MED12L: variants seen among roughly 807,000 people sequenced by gnomAD.
The protein encoded by MED12L is mediator of RNA polymerase II transcription subunit 12-like protein.
Under a neutral mutation model 281.3 loss-of-function variants are expected in MED12L, and 60 were observed. The ratio of observed to expected loss-of-function variants is 0.21; its 90% CI spans 0.17 to 0.26. The LOEUF is 0.26. Ranked by LOEUF, MED12L falls within the 10% of genes least tolerant of loss-of-function variation. The probability of loss-of-function intolerance (pLI) is 1.00; values close to 1 mark genes in which losing one functional copy is unlikely to be tolerated. For missense variants in MED12L, 2,146 were observed against 2,680.9 expected, an observed-to-expected ratio of 0.80 and a Z score of 4.41; for synonymous variants, 974 against 987.2, an observed-to-expected ratio of 0.99 and a Z score of 0.25.
chr3:151,175,808 A>G (rs1275989291), intron 11 of MED12L, among the ~76,000 whole-genome samples: 1 of 152,232 alleles, frequency 6.6e-6, no homozygotes, highest in Non-Finnish European at 1.5e-5. Context: ...CTTTCTTCAC[A>G]TTTGAGATAC....
chr3:151,405,738 T>A (rs1342088489), intron 39 of MED12L, among the ~76,000 whole-genome samples: 2 of 152,186 alleles, frequency 1.3e-5, no homozygotes, highest in Non-Finnish European at 2.9e-5. Flanking sequence ...GTTGTTTTGG[T>A]TGAGCAGAAT....
rs546510057 is a variant in MED12L, at chr3:151,406,390, G to A, written c.5821-2853G>A. On this transcript the variant is annotated intron_variant, in intron 39 of 44. Transcript: ENST00000687756. ...ATTATTCTTGGAAAAACAAAGAAAA[G>A]TAGGAATCCATTTCATTCTGATAGG... is the stretch of plus-strand genomic sequence containing the variant. Among the ~76,000 whole-genome samples, 404 of 152,298 alleles carry A rather than the reference G, an allele frequency of 2.7e-3. 1 individual carries two copies. Among genetic ancestry groups the A allele is most frequent in the African/African-American group, 9.5e-3 (393 of 41,556 alleles).
In MED12L at chr3:151,420,279, C is replaced by T. The variant is rs144711979; in HGVS notation, c.6408+3857C>T. 1.1e-3 allele frequency among the ~76,000 whole-genome samples: 167 copies of T among 152,294 alleles called. 5 individuals carry two copies. In the East Asian group the frequency reaches 0.03, roughly 27 times the overall value. On this transcript the variant is annotated intron_variant, in intron 43 of 44. Transcript: ENST00000687756. ...AGTCCGGGTCAGTCACCCCAGCCAA[C>T]ACTGTAACTCCCTTCTTAGCCTGTT...
At chr3:151,391,389 A>G (rs943973408) in intron 38 of MED12L, among the ~76,000 whole-genome samples, 2 of 152,016 alleles carry the variant, frequency 1.3e-5, no homozygotes, top group East Asian at 1.9e-4. Context: ...GCTTGGTCAC[A>G]TTACTTTCTC....
chr3:151,303,167 G>A (rs1746165407), intron 16 of MED12L, among the ~76,000 whole-genome samples: 2 of 152,206 alleles, frequency 1.3e-5, no homozygotes, highest in Admixed American at 1.3e-4. Flanking sequence ...GCTGAATGAT[G>A]CTGGTGAAAA....
At chr3:151,102,361 T>G (rs930824333) in intron 2 of MED12L, among the ~76,000 whole-genome samples, 5 of 152,168 alleles carry the variant, frequency 3.3e-5, no homozygotes, top group African/African-American at 1.2e-4. Context: ...GTTAACTGTT[T>G]AGACTAGTTT....
chr3:151,192,681 A>T, intron 15 of MED12L, 27 bp downstream of exon 15: 3 of 1,359,566 alleles, frequency 2.2e-6, no homozygotes, highest in African/African-American at 1.4e-5. Flanking sequence ...ATTCTTATTG[A>T]CAATTAAGAA....
intron 16 of MED12L, among the ~76,000 whole-genome samples, chr3:151,233,658 G>A (rs1031152988): frequency 2.6e-5 from 4 of 152,178 alleles, no homozygotes; most frequent in Non-Finnish European, 4.4e-5. Flanking sequence ...ACTTGAACCC[G>A]GGAGGCGGAG....
chr3:151,401,576 C>T (rs1715689303), intron 39 of MED12L, among the ~76,000 whole-genome samples: 1 of 152,032 alleles, frequency 6.6e-6, no homozygotes, highest in Non-Finnish European at 1.5e-5. Flanking sequence ...TATAACTTTG[C>T]TAGCTATTCA....
At chr3:151,399,857 C>T (rs1484878344) in intron 39 of MED12L, among the ~76,000 whole-genome samples, 1 of 151,294 alleles carries the variant, frequency 6.6e-6, no homozygotes, top group African/African-American at 2.4e-5. Context: ...GACAGGGTCT[C>T]CCTCTGTCGC....
chr3:151,132,082 C>T (rs548636369), intron 5 of MED12L, among the ~76,000 whole-genome samples: 1 of 152,160 alleles, frequency 6.6e-6, no homozygotes, highest in East Asian at 1.9e-4. Flanking sequence ...AGATCAAGTG[C>T]CTATAATAAT....
At chr3:151,194,966 C>G (rs1475323656) in intron 16 of MED12L, among the ~76,000 whole-genome samples, 1 of 152,082 alleles carries the variant, frequency 6.6e-6, no homozygotes, top group African/African-American at 2.4e-5. Flanking sequence ...AGATCGAGAC[C>G]ATCCTGGCTA....
intron 16 of MED12L, among the ~76,000 whole-genome samples, chr3:151,318,249 T>C (rs1340667394): frequency 6.6e-6 from 1 of 152,170 alleles, no homozygotes; most frequent in Admixed American, 6.5e-5. Flanking sequence ...GGCCTAATCT[T>C]TTAAGAATTT....
intron 2 of MED12L, among the ~76,000 whole-genome samples, chr3:151,091,745 C>G (rs1312962319): frequency 6.6e-6 from 1 of 152,210 alleles, no homozygotes. Context: ...CCTTGGCCTT[C>G]AAGGCCCTAC....
chr3:151,372,701 A>G lies in MED12L; in HGVS notation c.3799A>G (p.Ile1267Val). The change falls in exon 27 of 45, where the codon ATT becomes GTT. Residue 1267 changes from isoleucine (I) to valine (V), a missense_variant. Ile to Val is a conservative substitution (Grantham distance 29). This residue lies in a region of MED12L where 235 missense variants were observed against 260.3 expected (regional missense o/e 0.90). Transcript: ENST00000687756. ...SQNPKSCGKSISIETANLREY... is the reference protein window; with the variant it reads ...SQNPKSCGKSVSIETANLREY... ...AAATCCAAAATCCTGTGGGAAAAGCATTTCCATAGAAACTGCCAATTTAAG... is the reference window on the plus strand; with the variant it reads ...AAATCCAAAATCCTGTGGGAAAAGCGTTTCCATAGAAACTGCCAATTTAAG... The G allele has an allele frequency of 6.2e-7, 1 of 1,613,950 alleles. No homozygotes were observed. Among genetic ancestry groups the G allele is most frequent in the South Asian group, 1.1e-5 (1 of 91,084 alleles).
chr3:151,171,177 C>T (rs1356876741), intron 11 of MED12L, among the ~76,000 whole-genome samples: 2 of 152,122 alleles, frequency 1.3e-5, no homozygotes, highest in Non-Finnish European at 2.9e-5. Context: ...GGTGGCAAAT[C>T]CTGACATCCA....
chr3:151,293,344 C>T (rs749564621), intron 16 of MED12L, among the ~76,000 whole-genome samples: 14 of 152,164 alleles, frequency 9.2e-5, no homozygotes, highest in East Asian at 5.8e-4. Context: ...TCAGCAAACA[C>T]GCCTTCACTC....
intron 16 of MED12L, chr3:151,340,844 C>T (rs1751722636): frequency 6.6e-6 from 1 of 152,472 alleles, no homozygotes; most frequent in Non-Finnish European, 1.5e-5. Flanking sequence ...TATGCAGACA[C>T]TGAATTTCTA....
chr3:151,245,797 G>C (rs1735310555), intron 16 of MED12L, among the ~76,000 whole-genome samples: 1 of 145,408 alleles, frequency 6.9e-6, no homozygotes, highest in African/African-American at 2.6e-5. Context: ...AGGAAATAAA[G>C]GGTATTCAAT....
Sources: allele counts gnomAD v4.1 joint callset (sites outside exome capture counted in the v4.1 genomes callset), GRCh38; gene constraint gnomAD v4.1.1; regional missense constraint gnomAD v4.1.1; transcripts MANE v1.5; gene names NCBI Gene and HGNC (gene_info 2026-07-23, HGNC 2026-07-21).